The following PDE1C variants were observed in gnomAD, a reference collection of about 807,000 sequenced individuals.
PDE1C encodes phosphodiesterase 1C, also known as dual specificity calcium/calmodulin-dependent 3',5'-cyclic nucleotide phosphodiesterase 1C.
A neutral mutation model predicts 93.1 loss-of-function variants in PDE1C; 62 were observed. That is an observed-to-expected ratio of 0.67 (90% CI 0.54 to 0.82). The LOEUF is 0.82. Among genes scored for constraint, PDE1C ranks in the 40% least tolerant of loss-of-function variants. PDE1C has a pLI of 0.00. For missense variants in PDE1C, 742 were observed against 884.6 expected (o/e 0.84, Z 2.04); for synonymous variants, 325 against 310.1 (o/e 1.05, Z -0.50).
the PDE1C span, chr7:31,695,909 C>T: frequency 3.1e-5 from 7 of 229,038 alleles, no homozygotes; most frequent in Non-Finnish European, 5.1e-5. Flanking sequence ...GACCCGGTCT[C>T]ATGTGTTTTG....
chr7:31,755,532 T>C (rs1195071264), intron 17 of PDE1C, among the ~76,000 whole-genome samples: 1 of 151,376 alleles, frequency 6.6e-6, no homozygotes, highest in Non-Finnish European at 1.5e-5. Context: ...ATACAAGAAG[T>C]ACCTGAAGCA....
At chr7:32,312,475 C>T (rs1177649061) in intron 1 of PDE1C, among the ~76,000 whole-genome samples, 3 of 152,092 alleles carry the variant, frequency 2.0e-5, no homozygotes, top group South Asian at 2.1e-4. Flanking sequence ...AGAACAAAGC[C>T]AGAGGCATCA....
intron 1 of PDE1C, among the ~76,000 whole-genome samples, chr7:32,062,147 G>A (rs57559850): frequency 0.061 from 9,305 of 152,144 alleles, 320 homozygotes; most frequent in Non-Finnish European, 0.072. Flanking sequence ...GACAAGACCT[G>A]CAAACATGTT....
At chr7:32,057,119 T>A (rs1408699610) in intron 1 of PDE1C, among the ~76,000 whole-genome samples, 1 of 152,232 alleles carries the variant, frequency 6.6e-6, no homozygotes, top group East Asian at 1.9e-4. Context: ...CAATAATCCT[T>A]GGAAATATCT....
intron 3 of PDE1C, among the ~76,000 whole-genome samples, chr7:32,101,569 C>A (rs1798038785): frequency 6.6e-6 from 1 of 152,102 alleles, no homozygotes; most frequent in African/African-American, 2.4e-5. Context: ...GAGCCTTATA[C>A]AACCTCTCCT....
the PDE1C span, among the ~76,000 whole-genome samples, chr7:31,726,815 C>G: frequency 1.3e-5 from 2 of 152,050 alleles, no homozygotes; most frequent in South Asian, 4.1e-4. Flanking sequence ...GGTGGATCAC[C>G]TGAGGTCAGG....
intron 1 of PDE1C, among the ~76,000 whole-genome samples, chr7:32,281,930 T>A (rs1245566647): frequency 6.6e-6 from 1 of 152,094 alleles, no homozygotes; most frequent in African/African-American, 2.4e-5. Flanking sequence ...GGACAGAACG[T>A]GTTCTCCCGC....
chr7:32,006,039 C>T (rs762656648), intron 2 of PDE1C, among the ~76,000 whole-genome samples: 4 of 152,002 alleles, frequency 2.6e-5, no homozygotes, highest in Non-Finnish European at 5.9e-5. Context: ...TCTTTAGGGG[C>T]CTTTTCTTTT....
chr7:31,709,006 C>G, the PDE1C span, among the ~76,000 whole-genome samples: 531 of 152,222 alleles, frequency 3.5e-3, no homozygotes, highest in African/African-American at 0.012. Flanking sequence ...CTTTACAAAA[C>G]CAAAAGCAAT....
At chr7:32,057,460 CCATTTACAGG>C (rs762632154) in intron 1 of PDE1C, among the ~76,000 whole-genome samples, 14 of 152,184 alleles carry the variant, frequency 9.2e-5, no homozygotes, top group Non-Finnish European at 1.6e-4. Flanking sequence ...CGGCTTCGGT[CCATTTACAGG>C]CAGCTGGTCA....
Position 32,281,277 on chromosome 7 carries a change from T to C in PDE1C, c.85+17374A>G, listed in dbSNP as rs943522376. The stretch of plus-strand genomic sequence containing the variant: ...ATGAATTATAAATGAATAAAACTGA[T>C]AGGCTTATTTAAAAATTTAACATCT... On this transcript the variant is annotated intron_variant, in intron 1 of 18. Transcript: ENST00000396193. Among the ~76,000 whole-genome samples the C allele has an allele frequency of 2.8e-4, 43 of 152,338 alleles. 1 individual carries two copies. In the Middle Eastern group the frequency reaches 0.01, roughly 36 times the overall value.
upstream of PDE1C, among the ~76,000 whole-genome samples, chr7:32,299,800 T>C (rs376616541): frequency 4.9e-4 from 74 of 152,280 alleles, no homozygotes; most frequent in African/African-American, 1.7e-3. Flanking sequence ...CAAGCAATTA[T>C]TGAGGATTTA....
intron 1 of PDE1C, among the ~76,000 whole-genome samples, chr7:32,396,348 C>T (rs374379632): frequency 6.6e-6 from 1 of 151,916 alleles, no homozygotes; most frequent in Non-Finnish European, 1.5e-5. Context: ...CATGGTGGTG[C>T]GTGCCTGTAG....
intron 7 of PDE1C, among the ~76,000 whole-genome samples, chr7:31,854,213 C>A (rs1054035586): frequency 6.6e-6 from 1 of 151,990 alleles, no homozygotes; most frequent in African/African-American, 2.4e-5. Flanking sequence ...CTAATAAACC[C>A]CTCAGGTGAT....
At chr7:32,106,984 G>GA (rs58361423) in intron 3 of PDE1C, among the ~76,000 whole-genome samples, 28 of 137,900 alleles carry the variant, frequency 2.0e-4, no homozygotes, top group East Asian at 9.0e-4. Flanking sequence ...GAAACTCTAA[G>GA]AAAAAAAAAA....
chr7:31,900,254 A>G lies in PDE1C; in HGVS notation c.129-19394T>C, dbSNP rs528745018. 1.7e-4 allele frequency among the ~76,000 whole-genome samples: 26 copies of G among 152,116 alleles called. 2 individuals are homozygous for G. The highest frequency in any genetic ancestry group is 1.0e-4 in the Non-Finnish European group (7 of 68,002). On this transcript the variant is annotated intron_variant, in intron 2 of 17. Coordinates refer to ENST00000396191, the MANE Select transcript of PDE1C (RefSeq NM_001191057.4). Reference sequence around the variant, plus strand: ...ATATTCTCTCTCATCATATCAACCCATTTGTATTAAATGTCTGTTGCATAA... The same window carrying G: ...ATATTCTCTCTCATCATATCAACCCGTTTGTATTAAATGTCTGTTGCATAA...
chr7:31,848,596 A>G (rs1192245034), intron 8 of PDE1C, among the ~76,000 whole-genome samples: 1 of 152,192 alleles, frequency 6.6e-6, no homozygotes, highest in Non-Finnish European at 1.5e-5. Flanking sequence ...CACATGTGGA[A>G]AATTGAGAAT....
chr7:31,630,228 A>T, the PDE1C span, among the ~76,000 whole-genome samples: 3 of 144,016 alleles, frequency 2.1e-5, no homozygotes, highest in African/African-American at 7.7e-5. Flanking sequence ...AATCAAAGAA[A>T]ATAGAGTCTA....
rs911221622 is a variant in PDE1C at position 31,752,791 on chromosome 7, T to A, written c.*593A>T. The stretch of plus-strand genomic sequence containing the variant: ...TTGGATTTGCTTTATAAGCGTGAAT[T>A]CTGAAATGTCCATGAATACAACAAT... On this transcript the variant is annotated 3_prime_UTR_variant, in exon 18 of 18. Transcript: ENST00000396191. 2 of 152,214 alleles carry A rather than the reference T, an allele frequency of 1.3e-5. No homozygotes were observed. The highest frequency in any genetic ancestry group is 3.9e-4 in the East Asian group (2 of 5,194). 9.4% of individuals were successfully genotyped at this position (152,214 alleles called of 1,614,324 possible).
Sources: allele counts gnomAD v4.1 joint callset (sites outside exome capture counted in the v4.1 genomes callset), GRCh38; gene constraint gnomAD v4.1.1; transcripts MANE v1.5; gene names NCBI Gene and HGNC (gene_info 2026-07-23, HGNC 2026-07-21).